Variants in EPHX3 observed in about 807,000 individuals in gnomAD.
The protein encoded by EPHX3 is abhydrolase domain containing 9.
EPHX3 carries 39 observed loss-of-function variants against 40.2 expected under a neutral mutation model. The ratio of observed to expected loss-of-function variants is 0.97; its 90% confidence interval spans 0.75 to 1.27. EPHX3 has a LOEUF of 1.27. EPHX3 is among the 50% of genes most tolerant of loss of function. EPHX3 has a pLI of 0.00. For synonymous variants in EPHX3, 213 were observed against 209.7 expected, an observed-to-expected ratio of 1.02 and a Z score of -0.14; for missense variants, 442 against 474.0, an observed-to-expected ratio of 0.93 and a Z score of 0.63.
chr19:15,235,296 C>G (rs1270418990), upstream of EPHX3, among the ~76,000 whole-genome samples: 1 of 152,076 alleles, frequency 6.6e-6, no homozygotes, highest in Non-Finnish European at 1.5e-5. Flanking sequence ...TGTGAGCCAC[C>G]GTGCCTGGCA....
upstream of EPHX3, chr19:15,233,235 CGAA>C (rs1054648669): frequency 2.0e-5 from 3 of 152,212 alleles, no homozygotes; most frequent in African/African-American, 7.2e-5. Flanking sequence ...GTCTGGAAGA[CGAA>C]GAAGAGGGAC....
chr19:15,235,254 C>T (rs901703296), upstream of EPHX3, among the ~76,000 whole-genome samples: 9 of 152,104 alleles, frequency 5.9e-5, no homozygotes, highest in Non-Finnish European at 8.8e-5. Flanking sequence ...GATCCTCCCA[C>T]CCCGGCCTCC....
chr19:15,235,939 A>C (rs546320114), upstream of EPHX3: 2 of 152,366 alleles, frequency 1.3e-5, no homozygotes, highest in Admixed American at 6.5e-5. Context: ...TGTCTGAACA[A>C]AACAAGGAAC....
At position 15,231,023 on chromosome 19, in the gene EPHX3, G is replaced by C; in HGVS notation, c.555C>G (p.Tyr185Ter). 6.2e-7 allele frequency: 1 copy of C among 1,614,128 alleles called. No individual in the cohort carries two copies. The highest frequency in any genetic ancestry group is 8.5e-7 in the Non-Finnish European group (1 of 1,180,028). ...GALLAWHFSI[Y>*]YPSLVERMVV... ...CCATCCGCTCGACCAGGGATGGGTA[G>C]TAGATGGAGAAATGCCAGGCAAGGA... Residue 185 changes from tyrosine to a stop codon, truncating the protein, a stop_gained, in exon 4 of 7, where the codon TAC (tyrosine) becomes TAG (stop). Transcript: ENST00000221730. LOFTEE classifies it high-confidence loss of function.
Position 15,232,037 on chromosome 19 carries a change from G to C in EPHX3, c.175C>G (p.Arg59Gly), listed in dbSNP as rs748883224. The C allele has an allele frequency of 6.3e-7, 1 of 1,586,104 alleles. No homozygotes were observed. The highest frequency in any genetic ancestry group is 2.3e-5 in the East Asian group (1 of 43,988). ...CRPRRGCCGR[R>G]RSASPACLSD... ...AGGCAGGCGGGGGACGCGCTCCGAC[G>C]GCGCCCGCAGCAGCCGCGCCGGGGC... Residue 59 changes from arginine (R) to glycine (G), a missense_variant, in exon 1 of 7, where the codon CGT (arginine) becomes GGT (glycine). Coordinates refer to ENST00000221730, the MANE Select transcript of EPHX3 (RefSeq NM_024794.3).
chr19:15,232,454 G>A, upstream of EPHX3: 1 of 1,335,760 alleles, frequency 7.5e-7, no homozygotes. Context: ...AGGGTAGGGT[G>A]CGGAGGCTGG....
rs1268461796 is a variant in EPHX3, at chr19:15,228,774, C to T, written c.617-674G>A. Among the ~76,000 whole-genome samples, 17 of 151,974 alleles carry T rather than the reference C, an allele frequency of 1.1e-4. No individual in the cohort carries two copies. The East Asian group carries it at 2.9e-3, about 26-fold the overall frequency. On this transcript the variant is annotated intron_variant, in intron 4 of 6. Coordinates refer to ENST00000221730, the MANE Select transcript of EPHX3 (RefSeq NM_024794.3). ...GACCTCATGATCCACCCGCCTCAGC[C>T]TCCCAAAGTTCTGGGATTACAGACG...
upstream of EPHX3, chr19:15,236,442 A>G (rs900031395): frequency 2.0e-5 from 3 of 148,832 alleles, no homozygotes; most frequent in Admixed American, 1.3e-4. Flanking sequence ...GCTTAAATGA[A>G]AGGAGGAGTT....
At position 15,227,612 on chromosome 19, in the gene EPHX3, C is replaced by A. The variant is rs573560159; in HGVS notation, c.908G>T (p.Trp303Leu). 5.5e-5 allele frequency: 89 copies of A among 1,614,132 alleles called. No homozygotes were observed. The highest frequency in any genetic ancestry group is 9.3e-5 in the African/African-American group (7 of 75,052). ...CTCCAAGTAAGTGTCCTTCTCCCCC[C>A]ACAGCAGCAATGTGGGTGTGGTCAG... is the stretch of plus-strand genomic sequence containing the variant. The part of the protein sequence containing the change: ...QELTTPTLLL[W>L]GEKDTYLELG... The change falls in exon 7 of 7, where the codon TGG (tryptophan) becomes TTG (leucine). Residue 303 changes from tryptophan to leucine, a missense_variant. Physicochemically the swap from Trp to Leu is moderately conservative, Grantham distance 61 (BLOSUM62 -2). Transcript: ENST00000221730.
chr19:15,228,686 T>G (rs1229024284), intron 4 of EPHX3, among the ~76,000 whole-genome samples: 1 of 151,234 alleles, frequency 6.6e-6, no homozygotes, highest in East Asian at 2.0e-4. Context: ...TCCGGCTAAT[T>G]TTTTTTGTAT....
chr19:15,233,326 G>T (rs2047168411), upstream of EPHX3: 1 of 152,498 alleles, frequency 6.6e-6, no homozygotes, highest in African/African-American at 2.4e-5. Flanking sequence ...AGGCCCGGCC[G>T]ACGGCCGCCG....
chr19:15,228,310 C>T (rs2047128398), intron 4 of EPHX3, among the ~76,000 whole-genome samples: 1 of 152,038 alleles, frequency 6.6e-6, no homozygotes, highest in East Asian at 1.9e-4. Flanking sequence ...AGGATGGGGG[C>T]ATCTCCTGGG....
At chr19:15,236,211 C>A (rs1419189642), upstream of EPHX3, 1 of 152,224 alleles carries the variant, frequency 6.6e-6, no homozygotes, top group East Asian at 1.9e-4. Context: ...TTTGTCTCTG[C>A]ATACATATAA....
chr19:15,232,517 T>G, upstream of EPHX3: 8 of 1,014,166 alleles, frequency 7.9e-6, no homozygotes, highest in Middle Eastern at 3.8e-4. Flanking sequence ...TAGCAGGTCC[T>G]GTGCGGGGCT....
Position 15,229,885 on chromosome 19 carries a change from CAAAAAAAAAAA to C in EPHX3, c.616+1066_616+1076del, listed in dbSNP as rs546876108. ...CTGGCGACAGAGCAAGACTCTGTCT[CAAAAAAAAAAA>C]AAAAAAAAAAAAAAAGAAAAGAAAA... is the stretch of plus-strand genomic sequence containing the variant. On this transcript the variant is annotated intron_variant, in intron 4 of 6. Coordinates refer to ENST00000221730, the MANE Select transcript of EPHX3 (RefSeq NM_024794.3). Among the ~76,000 whole-genome samples, 13 of 9,370 alleles carry C rather than the reference CAAAAAAAAAAA, an allele frequency of 1.4e-3. 1 individual carries two copies. In the East Asian group the frequency reaches 0.036, roughly 26 times the overall value. 6.1% of individuals were successfully genotyped at this position (9,370 alleles called of 152,430 possible).
rs547415258 is a variant in EPHX3, at chr19:15,227,350, A to G, written c.*87T>C. 1.9e-5 allele frequency: 21 copies of G among 1,108,054 alleles called. No homozygotes were observed. In the African/African-American group the frequency reaches 2.6e-4, roughly 14 times the overall value. The allele number at this position is 1,108,054 out of a possible 1,614,324, so 68.6% of individuals were successfully genotyped here. On this transcript the variant is annotated 3_prime_UTR_variant, in exon 7 of 7. Transcript: ENST00000221730. ...TTCAAGAGTTCACCCATGTATGGAC[A>G]TTGTATGGACTCCCAGGCACACACA...
upstream of EPHX3, among the ~76,000 whole-genome samples, chr19:15,235,286 T>A (rs977772908): frequency 2.6e-5 from 4 of 152,068 alleles, no homozygotes; most frequent in African/African-American, 7.2e-5. Flanking sequence ...GGATTACAGA[T>A]GTGAGCCACC....
At chr19:15,230,313 C>A (rs1017929969) in intron 4 of EPHX3, among the ~76,000 whole-genome samples, 3 of 151,806 alleles carry the variant, frequency 2.0e-5, no homozygotes, top group Non-Finnish European at 2.9e-5. Flanking sequence ...AGACTACAAG[C>A]GTGCACTACC....
intron 4 of EPHX3, among the ~76,000 whole-genome samples, chr19:15,228,587 T>C (rs1414371994): frequency 7.3e-6 from 1 of 136,916 alleles, no homozygotes; most frequent in African/African-American, 2.8e-5. Flanking sequence ...GGTGTGATCT[T>C]GGCTCACTGC....
Sources: allele counts gnomAD v4.1 joint callset (sites outside exome capture counted in the v4.1 genomes callset), GRCh38; gene constraint gnomAD v4.1.1; transcripts MANE v1.5; gene names NCBI Gene and HGNC (gene_info 2026-07-23, HGNC 2026-07-21).